The following NR3C1 variants were observed in gnomAD, a reference collection of about 807,000 sequenced individuals.
NR3C1 encodes nuclear receptor subfamily 3 group C member 1, also known as glucocorticoid receptor.
Under a neutral mutation model 74.0 loss-of-function variants are expected in NR3C1, and 14 were observed. The observed-to-expected ratio is 0.19, with a 90% CI of 0.12 to 0.30. NR3C1 has a LOEUF of 0.30. Ranked by LOEUF, NR3C1 falls within the 10% of genes least tolerant of loss-of-function variation. The pLI, the probability that NR3C1 is intolerant of heterozygous loss-of-function variation, is 1.00. For missense variants in NR3C1, 695 were observed against 909.8 expected (o/e 0.76, Z 3.04); for synonymous variants, 308 against 332.5 (o/e 0.93, Z 0.80).
At chr5:143,391,689 A>G (rs1184567434) in intron 2 of NR3C1, among the ~76,000 whole-genome samples, 1 of 152,170 alleles carries the variant, frequency 6.6e-6, no homozygotes, top group African/African-American at 2.4e-5. Context: ...TCAAAAAATA[A>G]TAAAACTGAA....
intron 2 of NR3C1, among the ~76,000 whole-genome samples, chr5:143,386,219 C>G (rs1342711115): frequency 6.6e-6 from 1 of 152,156 alleles, no homozygotes; most frequent in Non-Finnish European, 1.5e-5. Flanking sequence ...GATTCAATCA[C>G]CTTTCACCAG....
At position 143,379,808 on chromosome 5, in the gene NR3C1, T is replaced by C. The variant is rs78654514; in HGVS notation, c.1184+19848A>G. On this transcript the variant is annotated intron_variant, in intron 2 of 8. Coordinates refer to ENST00000394464, the MANE Select transcript of NR3C1 (RefSeq NM_000176.3). The stretch of plus-strand genomic sequence containing the variant: ...AGCCAACCAGCCAACTGACAGCAGA[T>C]ACGCTGAATGTGCCCAGCTGAGATA... Among the ~76,000 whole-genome samples, 183 of 152,348 alleles carry C rather than the reference T, an allele frequency of 1.2e-3. 1 individual carries two copies. Among genetic ancestry groups the C allele is most frequent in the African/African-American group, 4.1e-3 (171 of 41,578 alleles).
At chr5:143,418,013 C>T (rs1751002296) in intron 1 of NR3C1, among the ~76,000 whole-genome samples, 1 of 152,124 alleles carries the variant, frequency 6.6e-6, no homozygotes, top group African/African-American at 2.4e-5. Flanking sequence ...TGCTCTTTAA[C>T]CAGCAAAATA....
intron 4 of NR3C1, among the ~76,000 whole-genome samples, chr5:143,303,081 T>C (rs1818826803): frequency 6.6e-6 from 1 of 151,658 alleles, no homozygotes; most frequent in African/African-American, 2.4e-5. Flanking sequence ...ATAAGCACAA[T>C]AAAAAATGTA....
chr5:143,337,294 A>T (rs1412543382), intron 2 of NR3C1, among the ~76,000 whole-genome samples: 3 of 152,232 alleles, frequency 2.0e-5, no homozygotes, highest in Non-Finnish European at 4.4e-5. Flanking sequence ...AATGCAAATT[A>T]AAACGACAAT....
intron 2 of NR3C1, among the ~76,000 whole-genome samples, chr5:143,354,709 G>A (rs1205935217): frequency 2.0e-5 from 3 of 152,222 alleles, no homozygotes; most frequent in Non-Finnish European, 4.4e-5. Flanking sequence ...GATCACCTGA[G>A]GTCAGGAGTT....
At chr5:143,409,053 A>G (rs1841208653) in intron 1 of NR3C1, 1 of 152,190 alleles carries the variant, frequency 6.6e-6, no homozygotes, top group South Asian at 2.1e-4. Context: ...TGGCATAAAC[A>G]TGTTTGGGAA....
chr5:143,330,728 CT>C (rs1825775958), intron 2 of NR3C1, among the ~76,000 whole-genome samples: 1 of 152,180 alleles, frequency 6.6e-6, no homozygotes, highest in African/African-American at 2.4e-5. Context: ...AAAGTCATTA[CT>C]TAAAATTTTA....
chr5:143,279,378 G>T lies in NR3C1; in HGVS notation c.*2511C>A. ...TGGGATGAAAATCAGATTAATGTGT[G>T]AGATGTGCTTTCTGGTTTTAACCAC... is the stretch of plus-strand genomic sequence containing the variant. On this transcript the variant is annotated 3_prime_UTR_variant, in exon 9 of 9. Transcript: ENST00000394464. 1 of 1,551,378 alleles carries T rather than the reference G, an allele frequency of 6.4e-7. No individual in the cohort carries two copies.
At position 143,400,632 on chromosome 5, in the gene NR3C1, C is replaced by G; in HGVS notation, c.208G>C (p.Val70Leu). 3 of 1,614,126 alleles carry G rather than the reference C, an allele frequency of 1.9e-6. No homozygotes were observed. The highest frequency in any genetic ancestry group is 2.5e-6 in the Non-Finnish European group (3 of 1,179,930). ...RLLVDFPKGS[V>L]SNAQQPDLSK... ...AGATCTGGCTGCTGCGCATTGCTTA[C>G]TGAGCCTTTTGGAAAATCAACCAAA... The change falls in exon 2 of 9, where the codon GTA becomes CTA. Residue 70 changes from valine (V) to leucine (L), a missense_variant. Transcript: ENST00000394464.
chr5:143,286,452 C>G (rs966598229), intron 7 of NR3C1, among the ~76,000 whole-genome samples: 2 of 152,026 alleles, frequency 1.3e-5, no homozygotes, highest in African/African-American at 2.4e-5. Context: ...GTCAATTACT[C>G]AGAAATTAAA....
chr5:143,376,958 G>C (rs1835318039), intron 2 of NR3C1, among the ~76,000 whole-genome samples: 1 of 152,154 alleles, frequency 6.6e-6, no homozygotes, highest in Non-Finnish European at 1.5e-5. Context: ...CTATGGGAGA[G>C]ACAGATAGGA....
At chr5:143,419,522 GAA>G (rs1751105513) in intron 1 of NR3C1, among the ~76,000 whole-genome samples, 1 of 152,168 alleles carries the variant, frequency 6.6e-6, no homozygotes, top group Non-Finnish European at 1.5e-5. Context: ...TCAAAAGAGA[GAA>G]ATTTTAAAGC....
At chr5:143,317,601 G>A (rs990719006) in intron 2 of NR3C1, among the ~76,000 whole-genome samples, 6 of 152,126 alleles carry the variant, frequency 3.9e-5, no homozygotes, top group African/African-American at 7.2e-5. Flanking sequence ...TCCTGAGGCT[G>A]AGTTTATGTT....
chr5:143,432,447 C>G (rs1751876292), intron 1 of NR3C1, among the ~76,000 whole-genome samples: 1 of 152,094 alleles, frequency 6.6e-6, no homozygotes, highest in Non-Finnish European at 1.5e-5. Flanking sequence ...AACATCAGAG[C>G]CTTGGTCCAT....
At chr5:143,402,818 C>A in intron 1 of NR3C1, 2 of 985,442 alleles carry the variant, frequency 2.0e-6, no homozygotes, top group Non-Finnish European at 2.4e-6. Flanking sequence ...AAAATTCAGA[C>A]GCGGCTTAGC....
chr5:143,390,037 C>A (rs1837955530), intron 2 of NR3C1: 9 of 473,962 alleles, frequency 1.9e-5, no homozygotes, highest in Admixed American at 6.4e-5. Flanking sequence ...CAAAGAAATT[C>A]TAAGAACTTC....
At position 143,280,353 on chromosome 5, in the gene NR3C1, ATAAC is replaced by A. The variant is rs893860396; in HGVS notation, c.*1532_*1535del. On this transcript the variant is annotated 3_prime_UTR_variant, in exon 9 of 9. Transcript: ENST00000394464. ...ACCAATATGATATATATCTGAAACT[ATAAC>A]TAAATATAAAAATATATTAGAAGTT... 5.2e-5 allele frequency: 8 copies of A among 152,734 alleles called. No individual in the cohort carries two copies. In the East Asian group the frequency reaches 5.8e-4, roughly 11 times the overall value. 9.5% of individuals were successfully genotyped at this position (152,734 alleles called of 1,614,324 possible). A position where few individuals can be genotyped will look rare whatever the true frequency, so the allele number is the denominator to read the frequency against.
At chr5:143,433,942 G>C (rs1600696794) in intron 1 of NR3C1, 2 of 152,672 alleles carry the variant, frequency 1.3e-5, no homozygotes, top group Admixed American at 6.5e-5. Context: ...CTCAGCTCCA[G>C]TTCTCTTTGC....
Sources: gnomAD v4.1 joint callset for allele counts (sites outside exome capture counted in the v4.1 genomes callset) on GRCh38, gnomAD v4.1.1 for gene constraint, MANE v1.5 for transcripts, NCBI Gene and HGNC (gene_info 2026-07-23, HGNC 2026-07-21) for gene names.